The following SETD7 variants were observed in gnomAD, a reference collection of about 807,000 sequenced individuals.
SETD7 encodes the protein histone-lysine N-methyltransferase SETD7.
A neutral mutation model predicts 41.8 loss-of-function variants in SETD7; 16 were observed. The observed-to-expected ratio is 0.38, with a 90% CI of 0.26 to 0.58. The LOEUF (loss-of-function observed/expected upper bound fraction) is 0.58, where lower values mean the gene tolerates loss of function less well. Ranked by LOEUF, SETD7 falls within the 20% of genes least tolerant of loss-of-function variation. The pLI, the probability that SETD7 is intolerant of heterozygous loss-of-function variation, is 0.64. For missense variants in SETD7, 346 were observed against 459.7 expected (o/e 0.75, Z 2.26); for synonymous variants, 163 against 169.7 (o/e 0.96, Z 0.31).
chr4:139,505,915 T>C (rs1379184755), downstream of SETD7: 1 of 152,508 alleles, frequency 6.6e-6, no homozygotes, highest in Admixed American at 6.5e-5. Context: ...AAATGGCTAA[T>C]AATATTTTAA....
intron 7 of SETD7, among the ~76,000 whole-genome samples, chr4:139,514,069 G>A (rs143362273): frequency 1.4e-3 from 216 of 152,302 alleles, no homozygotes; most frequent in African/African-American, 4.8e-3. Context: ...GATCACCTGA[G>A]CTCGGGAGTT....
chr4:139,518,555 A>C (rs1727094106), intron 6 of SETD7, among the ~76,000 whole-genome samples: 1 of 152,086 alleles, frequency 6.6e-6, no homozygotes, highest in South Asian at 2.1e-4. Flanking sequence ...CTATTTATTC[A>C]TTTTTCCTTG....
intron 7 of SETD7, 115 bp downstream of exon 7, chr4:139,517,770 T>C (rs563884435): frequency 4.1e-5 from 46 of 1,122,320 alleles, no homozygotes; most frequent in South Asian, 8.0e-5. Flanking sequence ...AGAGGACCCA[T>C]GGTCATTCAG....
chr4:139,493,109 A>T (rs1297470668), downstream of SETD7, among the ~76,000 whole-genome samples: 1 of 152,260 alleles, frequency 6.6e-6, no homozygotes, highest in African/African-American at 2.4e-5. Flanking sequence ...TGCTTATGTT[A>T]CAGTGTTAGA....
chr4:139,549,787 T>A (rs562783305), intron 1 of SETD7, among the ~76,000 whole-genome samples: 1 of 151,992 alleles, frequency 6.6e-6, no homozygotes, highest in African/African-American at 2.4e-5. Context: ...AAAAAAAAAT[T>A]TTTTTTTGAG....
At position 139,509,901 on chromosome 4, in the gene SETD7, A is replaced by G; in HGVS notation, c.*1762T>C. On this transcript the variant is annotated 3_prime_UTR_variant, in exon 8 of 8. Coordinates refer to ENST00000274031, the MANE Select transcript of SETD7 (RefSeq NM_030648.4). ...AGCTTTCAAGCAGGGATCCAACTGGATCTCCCTGAAACCACTGCCACCTAG... is the reference window on the plus strand; with the variant it reads ...AGCTTTCAAGCAGGGATCCAACTGGGTCTCCCTGAAACCACTGCCACCTAG... The G allele has an allele frequency of 1.0e-6, 1 of 985,348 alleles. No individual in the cohort carries two copies. The highest frequency in any genetic ancestry group is 1.2e-6 in the Non-Finnish European group (1 of 829,878). The allele number at this position is 985,348 out of a possible 1,614,324, so 61.0% of individuals were successfully genotyped here.
At chr4:139,512,362 A>C (rs1057197611) in intron 7 of SETD7, among the ~76,000 whole-genome samples, 3 of 152,228 alleles carry the variant, frequency 2.0e-5, no homozygotes, top group Non-Finnish European at 4.4e-5. Flanking sequence ...CACCCTATAC[A>C]TAGAGAGGAA....
intron 1 of SETD7, among the ~76,000 whole-genome samples, chr4:139,553,876 T>A (rs1426541592): frequency 6.6e-6 from 1 of 152,170 alleles, no homozygotes; most frequent in Non-Finnish European, 1.5e-5. Context: ...TTTATACCAG[T>A]CCCCTATGTA....
At chr4:139,494,168 C>T (rs758243146), downstream of SETD7, among the ~76,000 whole-genome samples, 36 of 152,104 alleles carry the variant, frequency 2.4e-4, no homozygotes, top group African/African-American at 4.1e-4. Context: ...GTGAAATAGA[C>T]GAGGCAAGTC....
chr4:139,533,970 T>C (rs1365138167), intron 2 of SETD7, among the ~76,000 whole-genome samples: 1 of 146,478 alleles, frequency 6.8e-6, no homozygotes, highest in Admixed American at 6.6e-5. Context: ...TATATCTATG[T>C]ATGTATGTAT....
intron 4 of SETD7, among the ~76,000 whole-genome samples, chr4:139,526,142 C>T (rs1187416443): frequency 6.6e-6 from 1 of 152,088 alleles, no homozygotes; most frequent in Non-Finnish European, 1.5e-5. Context: ...CCTCCACTTC[C>T]CAGGTTCAAG....
downstream of SETD7, among the ~76,000 whole-genome samples, chr4:139,504,817 C>T (rs1369499751): frequency 1.3e-5 from 2 of 152,146 alleles, no homozygotes; most frequent in Non-Finnish European, 2.9e-5. Context: ...CCAAATCAAT[C>T]ATCTTAACCC....
At chr4:139,533,804 A>C (rs1340947523) in intron 2 of SETD7, among the ~76,000 whole-genome samples, 1 of 152,188 alleles carries the variant, frequency 6.6e-6, no homozygotes, top group Non-Finnish European at 1.5e-5. Context: ...GTAATCTCTA[A>C]TGATAGAAAT....
At chr4:139,517,831 C>CGTCTCA in intron 7 of SETD7, 54 bp downstream of exon 7, 1 of 1,540,852 alleles carries the variant, frequency 6.5e-7, no homozygotes, top group South Asian at 1.2e-5. Context: ...TGCCCTCCTC[C>CGTCTCA]GTCTCAGGGC....
chr4:139,528,636 G>A (rs867952735), intron 4 of SETD7, among the ~76,000 whole-genome samples: 3 of 152,202 alleles, frequency 2.0e-5, no homozygotes, highest in African/African-American at 7.2e-5. Context: ...TCAGTTCCAA[G>A]GTGAGGTTTC....
chr4:139,544,266 C>T (rs189471386), intron 2 of SETD7, among the ~76,000 whole-genome samples: 9 of 144,576 alleles, frequency 6.2e-5, no homozygotes, highest in Non-Finnish European at 1.2e-4. Flanking sequence ...GCACTCCAGC[C>T]TGGGCAACGG....
At chr4:139,545,023 C>T (rs1475463689) in intron 2 of SETD7, among the ~76,000 whole-genome samples, 3 of 151,934 alleles carry the variant, frequency 2.0e-5, no homozygotes, top group African/African-American at 7.3e-5. Flanking sequence ...GAGACATTTA[C>T]ATAAATATGT....
In SETD7 at chr4:139,527,854, C is replaced by A. The variant is rs1417002246; in HGVS notation, c.562+1177G>T. 2.6e-5 allele frequency among the ~76,000 whole-genome samples: 4 copies of A among 152,148 alleles called. No individual in the cohort carries two copies. The South Asian group carries it at 6.2e-4, about 24-fold the overall frequency. On this transcript the variant is annotated intron_variant, in intron 4 of 7. Transcript: ENST00000274031. Reference sequence around the variant, plus strand: ...GAATCCCACATTGCATTTAGACTGTCTCCATTTTTAACTTAAAAAAACAAA... The same window carrying A: ...GAATCCCACATTGCATTTAGACTGTATCCATTTTTAACTTAAAAAAACAAA...
intron 7 of SETD7, among the ~76,000 whole-genome samples, chr4:139,500,864 G>T (rs1236877716): frequency 2.0e-5 from 3 of 151,968 alleles, no homozygotes; most frequent in Non-Finnish European, 4.4e-5. Context: ...ATAGTTTTCG[G>T]GGCCCCTGTA....
Sources: gnomAD v4.1 joint callset for allele counts (sites outside exome capture counted in the v4.1 genomes callset) on GRCh38, gnomAD v4.1.1 for gene constraint, MANE v1.5 for transcripts, NCBI Gene and HGNC (gene_info 2026-07-23, HGNC 2026-07-21) for gene names.